Variants in CACNA1D observed in about 807,000 individuals in gnomAD.
CACNA1D encodes voltage-dependent L-type calcium channel subunit alpha-1D.
A neutral mutation model predicts 257.1 loss-of-function variants in CACNA1D; 55 were observed. The ratio of observed to expected loss-of-function variants is 0.21; its 90% CI spans 0.17 to 0.27. The LOEUF (loss-of-function observed/expected upper bound fraction) is 0.27. CACNA1D is among the 10% of genes least tolerant of loss of function. CACNA1D has a pLI of 1.00. For synonymous variants in CACNA1D, 980 were observed against 1,014.9 expected, an observed-to-expected ratio of 0.97 and a Z score of 0.65; for missense variants, 1,876 against 2,784.0, an observed-to-expected ratio of 0.67 and a Z score of 7.34.
chr3:53,750,476 A>G (rs877257), intron 27 of CACNA1D, among the ~76,000 whole-genome samples: 114,710 of 152,130 alleles, frequency 0.75, 45,185 homozygotes, highest in East Asian at 1. Flanking sequence ...GAAGTGGCCC[A>G]GGCACGGCAA....
chr3:53,650,665 G>A, intron 3 of CACNA1D, 114 bp from the exon 4 acceptor site: 3 of 1,094,382 alleles, frequency 2.7e-6, no homozygotes, highest in South Asian at 1.3e-5. Context: ...AACTTTGTTT[G>A]GAGGGAAATG....
chr3:53,563,872 A>G (rs2092785741), intron 3 of CACNA1D, among the ~76,000 whole-genome samples: 1 of 152,146 alleles, frequency 6.6e-6, no homozygotes, highest in Non-Finnish European at 1.5e-5. Context: ...TTCTTGATAC[A>G]TATGTGCTAA....
In CACNA1D at chr3:53,573,955, C is replaced by T. The variant is rs141180416; in HGVS notation, c.483+72235C>T. 4.3e-3 allele frequency among the ~76,000 whole-genome samples: 655 copies of T among 152,260 alleles called. 8 individuals are homozygous for T. The highest frequency in any genetic ancestry group is 0.015 in the African/African-American group (604 of 41,542). ...CTACACTTTTCTGAAATGAAGGAGTCGAGGAATAAGCAAGTAATTGAGTGA... is the reference window on the plus strand; with the variant it reads ...CTACACTTTTCTGAAATGAAGGAGTTGAGGAATAAGCAAGTAATTGAGTGA... On this transcript the variant is annotated intron_variant, in intron 3 of 47. Transcript: ENST00000350061.
intron 9 of CACNA1D, among the ~76,000 whole-genome samples, chr3:53,711,530 C>A (rs181616073): frequency 6.6e-6 from 1 of 152,324 alleles, no homozygotes; most frequent in Admixed American, 6.5e-5. Flanking sequence ...ACAGTCGACC[C>A]AGTTCTGCCA....
chr3:53,648,833 C>CAT (rs1200174531), intron 3 of CACNA1D, among the ~76,000 whole-genome samples: 1 of 137,574 alleles, frequency 7.3e-6, no homozygotes, highest in Non-Finnish European at 1.6e-5. Flanking sequence ...TCTCAAAACA[C>CAT]ACACACACAC....
intron 8 of CACNA1D, among the ~76,000 whole-genome samples, chr3:53,689,891 C>T (rs375251626): frequency 1.3e-5 from 2 of 152,144 alleles, no homozygotes; most frequent in African/African-American, 4.8e-5. Flanking sequence ...AGGTTCTGGC[C>T]TCAAGCTATC....
At chr3:53,571,754 T>C (rs1029766928) in intron 3 of CACNA1D, among the ~76,000 whole-genome samples, 1 of 152,134 alleles carries the variant, frequency 6.6e-6, no homozygotes, top group Non-Finnish European at 1.5e-5. Context: ...GCAATTTGTG[T>C]CTCTGCATAA....
chr3:53,715,803 A>G (rs1315249123), intron 9 of CACNA1D, among the ~76,000 whole-genome samples: 2 of 152,200 alleles, frequency 1.3e-5, no homozygotes, highest in Non-Finnish European at 2.9e-5. Context: ...GAGCCCTGGC[A>G]CAGTGCTGTG....
At chr3:53,675,061 T>C (rs2108426892) in intron 8 of CACNA1D, among the ~76,000 whole-genome samples, 1 of 152,304 alleles carries the variant, frequency 6.6e-6, no homozygotes, top group South Asian at 2.1e-4. Flanking sequence ...TTCTGCATCT[T>C]CCCCTAAACC....
intron 4 of CACNA1D, among the ~76,000 whole-genome samples, chr3:53,657,977 A>G (rs1383278996): frequency 1.3e-5 from 2 of 152,252 alleles, no homozygotes; most frequent in Non-Finnish European, 2.9e-5. Context: ...CCAAATTTCA[A>G]TAAAGATATA....
At chr3:53,514,516 C>G (rs2091258493) in intron 3 of CACNA1D, among the ~76,000 whole-genome samples, 1 of 152,110 alleles carries the variant, frequency 6.6e-6, no homozygotes, top group South Asian at 2.1e-4. Flanking sequence ...TTCACTGGCT[C>G]TGTGACTGGG....
At chr3:53,688,593 G>A (rs942543773) in intron 8 of CACNA1D, among the ~76,000 whole-genome samples, 2 of 152,152 alleles carry the variant, frequency 1.3e-5, no homozygotes, top group Non-Finnish European at 2.9e-5. Flanking sequence ...GGTCATTTCT[G>A]TGAGCTGGAA....
intron 8 of CACNA1D, among the ~76,000 whole-genome samples, chr3:53,689,591 C>T (rs1271380669): frequency 6.6e-6 from 1 of 151,914 alleles, no homozygotes; most frequent in Non-Finnish European, 1.5e-5. Context: ...AAGAAGAGGT[C>T]TCTGGATTTT....
intron 30 of CACNA1D, 111 bp from the exon 31 acceptor site, chr3:53,769,862 G>A: frequency 1.2e-6 from 1 of 850,508 alleles, no homozygotes; most frequent in South Asian, 1.3e-5. Context: ...GGGAGCAGGT[G>A]TGGTGTCTAA....
At chr3:53,529,150 C>A (rs533600000) in intron 3 of CACNA1D, among the ~76,000 whole-genome samples, 2 of 152,254 alleles carry the variant, frequency 1.3e-5, no homozygotes, top group Admixed American at 1.3e-4. Context: ...GGAGGTTCTG[C>A]ATAGGTGTCC....
intron 18 of CACNA1D, among the ~76,000 whole-genome samples, chr3:53,732,386 C>T (rs966344024): frequency 6.6e-6 from 1 of 152,174 alleles, no homozygotes; most frequent in Non-Finnish European, 1.5e-5. Flanking sequence ...ATTTGACTGG[C>T]ACATTTATTG....
Position 53,811,883 on chromosome 3 carries a change from C to G in CACNA1D, c.*477C>G, listed in dbSNP as rs1291298868. ...GGGCCCAACATATCCATTTTTAAAC[C>G]CTTTCCCCCAAATACACTGCGTCCT... On this transcript the variant is annotated 3_prime_UTR_variant, in exon 48 of 48. Coordinates refer to ENST00000350061, the MANE Select transcript of CACNA1D (RefSeq NM_001128840.3). This position sits in a 1 kb window ranked among gnomAD's most constrained non-coding sequence, Gnocchi z 4.2. 6.5e-6 allele frequency: 1 copy of G among 153,426 alleles called. No homozygotes were observed. The highest frequency in any genetic ancestry group is 2.4e-5 in the African/African-American group (1 of 41,470). 9.5% of individuals were successfully genotyped at this position (153,426 alleles called of 1,614,324 possible).
intron 26 of CACNA1D, among the ~76,000 whole-genome samples, chr3:53,748,780 G>A (rs2095196478): frequency 1.3e-5 from 2 of 152,154 alleles, no homozygotes; most frequent in Admixed American, 6.5e-5. Flanking sequence ...CATCAGAATG[G>A]GGATCAATGG....
intron 3 of CACNA1D, among the ~76,000 whole-genome samples, chr3:53,600,092 G>A (rs1448746169): frequency 2.0e-5 from 3 of 152,250 alleles, no homozygotes; most frequent in African/African-American, 7.2e-5. Context: ...CCAGAAACAA[G>A]GGGCCTGAGT....
Sources: allele counts gnomAD v4.1 joint callset (sites outside exome capture counted in the v4.1 genomes callset), GRCh38; gene constraint gnomAD v4.1.1; non-coding constraint Gnocchi (gnomAD v3.1); transcripts MANE v1.5; gene names NCBI Gene and HGNC (gene_info 2026-07-23, HGNC 2026-07-21).